Variants in WDR27 observed in about 807,000 individuals in gnomAD.
The protein encoded by WDR27 is WD repeat-containing protein 27.
A neutral mutation model predicts 114.4 loss-of-function variants in WDR27; 100 were observed. The observed-to-expected ratio is 0.87, with a 90% CI of 0.74 to 1.03. The LOEUF (loss-of-function observed/expected upper bound fraction) is 1.03, where lower values mean the gene tolerates loss of function less well. Among genes scored for constraint, WDR27 ranks in the 50% least tolerant of loss-of-function variants. The pLI, the probability that WDR27 is intolerant of heterozygous loss-of-function variation, is 0.00. For synonymous variants in WDR27, 449 were observed against 423.1 expected (o/e 1.06, Z -0.75); for missense variants, 1,129 against 1,092.9 (o/e 1.03, Z -0.47).
At chr6:169,443,572 G>T in the WDR27 span, among the ~76,000 whole-genome samples, 1 of 152,210 alleles carries the variant, frequency 6.6e-6, no homozygotes, top group Non-Finnish European at 1.5e-5. Flanking sequence ...CCATGCCAGA[G>T]GTCGTGTCCA....
intron 25 of WDR27, among the ~76,000 whole-genome samples, chr6:169,537,531 G>A (rs78334494): frequency 0.021 from 3,126 of 152,290 alleles, 68 homozygotes; most frequent in East Asian, 0.081. Flanking sequence ...AGAAATGATT[G>A]AGAAGCAGAA....
intron 22 of WDR27, among the ~76,000 whole-genome samples, chr6:169,602,803 T>C (rs1808280953): frequency 6.6e-6 from 1 of 152,180 alleles, no homozygotes; most frequent in African/African-American, 2.4e-5. Flanking sequence ...TCATGTCCTA[T>C]GTAGTATAAA....
chr6:169,562,997 A>T (rs1799885369), intron 25 of WDR27, among the ~76,000 whole-genome samples: 1 of 152,178 alleles, frequency 6.6e-6, no homozygotes, highest in Admixed American at 6.5e-5. Flanking sequence ...TGCCCGGAGC[A>T]AATGGGTCTA....
chr6:169,438,988 A>G, the WDR27 span, among the ~76,000 whole-genome samples: 1 of 152,186 alleles, frequency 6.6e-6, no homozygotes, highest in Non-Finnish European at 1.5e-5. Context: ...TTATATTTTA[A>G]TTAAATGTTT....
chr6:169,647,561 G>A (rs1821108099), intron 16 of WDR27: 1 of 631,638 alleles, frequency 1.6e-6, no homozygotes. Context: ...TGCCCACGCA[G>A]GGGTGAGATG....
intron 14 of WDR27, among the ~76,000 whole-genome samples, chr6:169,649,501 C>A (rs1454689675): frequency 6.6e-6 from 1 of 152,008 alleles, no homozygotes. Flanking sequence ...TCCTGTGACT[C>A]CTTTAAAATC....
At chr6:169,452,247 C>A (rs936043597), downstream of WDR27, among the ~76,000 whole-genome samples, 18 of 152,232 alleles carry the variant, frequency 1.2e-4, no homozygotes, top group African/African-American at 1.4e-4. Flanking sequence ...TTACTCACTG[C>A]GGCTGGAACG....
At chr6:169,579,490 C>T (rs1031948927) in intron 24 of WDR27, among the ~76,000 whole-genome samples, 13 of 152,262 alleles carry the variant, frequency 8.5e-5, no homozygotes, top group African/African-American at 2.9e-4. Flanking sequence ...CTGATCAAAA[C>T]AGGATGTAGC....
At chr6:169,466,859 T>G (rs1470501106) in intron 25 of WDR27, among the ~76,000 whole-genome samples, 1 of 152,198 alleles carries the variant, frequency 6.6e-6, no homozygotes, top group Non-Finnish European at 1.5e-5. Flanking sequence ...CATTCCAGCA[T>G]TAACCCAAAA....
chr6:169,509,231 TC>T (rs1792421358), intron 25 of WDR27, among the ~76,000 whole-genome samples: 1 of 152,100 alleles, frequency 6.6e-6, no homozygotes, highest in African/African-American at 2.4e-5. Context: ...TTCAATGCCA[TC>T]CCCATCAAGC....
rs537716447 is a variant in WDR27, at chr6:169,639,289, C to T, written c.1748-629G>A. On this transcript the variant is annotated intron_variant, in intron 17 of 25. Coordinates refer to ENST00000448612, the MANE Select transcript of WDR27 (RefSeq NM_182552.5). The stretch of plus-strand genomic sequence containing the variant: ...TGGGGTGTGAGTGAACGCCTCGGCC[C>T]GGCAGTGTAAAACCTCGCATTTCTT... 8.9e-4 allele frequency among the ~76,000 whole-genome samples: 135 copies of T among 151,462 alleles called. No homozygotes were observed. In the South Asian group the frequency reaches 0.026, roughly 29 times the overall value.
chr6:169,640,067 G>C (rs1240953564), intron 17 of WDR27, among the ~76,000 whole-genome samples: 1 of 152,160 alleles, frequency 6.6e-6, no homozygotes, highest in East Asian at 1.9e-4. Flanking sequence ...GCAAGAAGAA[G>C]ACTGACGGGC....
intron 25 of WDR27, among the ~76,000 whole-genome samples, chr6:169,504,349 GT>G (rs1791734814): frequency 6.6e-6 from 1 of 152,174 alleles, no homozygotes; most frequent in South Asian, 2.1e-4. Flanking sequence ...GTAGGACCAG[GT>G]GGAGATAACT....
At position 169,660,181 on chromosome 6, in the gene WDR27, G is replaced by A. The variant is rs796515691; in HGVS notation, c.1129+482C>T. Reference sequence around the variant, plus strand: ...GGAGTTAGGAGGGGTGGGGGGATGAGATGGGGGTCTTGGGGGAGGGGGTGG... The same window carrying A: ...GGAGTTAGGAGGGGTGGGGGGATGAAATGGGGGTCTTGGGGGAGGGGGTGG... On this transcript the variant is annotated intron_variant, in intron 10 of 25. Transcript: ENST00000448612. Among the ~76,000 whole-genome samples, 250 of 143,940 alleles carry A rather than the reference G, an allele frequency of 1.7e-3. 1 individual carries two copies. Among genetic ancestry groups the A allele is most frequent in the African/African-American group, 6.3e-3 (243 of 38,668 alleles). 94.4% of individuals were successfully genotyped at this position (143,940 alleles called of 152,430 possible). A position where few individuals can be genotyped will look rare whatever the true frequency, so the allele number is the denominator to read the frequency against.
At chr6:169,444,913 T>C in the WDR27 span, among the ~76,000 whole-genome samples, 1 of 152,248 alleles carries the variant, frequency 6.6e-6, no homozygotes, top group African/African-American at 2.4e-5. Context: ...GAATCAAGCA[T>C]GTTCTCTTGT....
At chr6:169,649,300 ACT>A in intron 14 of WDR27, 25 bp from the exon 15 acceptor site, 2 of 1,530,030 alleles carry the variant, frequency 1.3e-6, no homozygotes, top group Non-Finnish European at 1.8e-6. Context: ...CTCTAATATC[ACT>A]CTCAAATATT....
intron 25 of WDR27, among the ~76,000 whole-genome samples, chr6:169,557,685 C>G (rs1468118541): frequency 6.6e-6 from 1 of 152,150 alleles, no homozygotes; most frequent in South Asian, 2.1e-4. Context: ...TGGTCCCAGA[C>G]ACTCAGGAGG....
chr6:169,532,921 C>A (rs1214650854), intron 25 of WDR27, among the ~76,000 whole-genome samples: 5 of 151,714 alleles, frequency 3.3e-5, no homozygotes, highest in Middle Eastern at 3.2e-3. Context: ...CTATTGATAG[C>A]AATCCAGCAC....
At chr6:169,577,429 C>A (rs1343036394) in intron 24 of WDR27, among the ~76,000 whole-genome samples, 3 of 150,604 alleles carry the variant, frequency 2.0e-5, no homozygotes, top group Non-Finnish European at 4.5e-5. Flanking sequence ...GGTATGGCTG[C>A]GTCGGGGGCC....
Sources: allele counts gnomAD v4.1 joint callset (sites outside exome capture counted in the v4.1 genomes callset), GRCh38; gene constraint gnomAD v4.1.1; transcripts MANE v1.5; gene names NCBI Gene and HGNC (gene_info 2026-07-23, HGNC 2026-07-21).